The following IFT140 variants were observed in gnomAD, a reference collection of about 807,000 sequenced individuals.
IFT140 encodes the protein intraflagellar transport 140.
Under a neutral mutation model 164.6 loss-of-function variants are expected in IFT140, and 133 were observed. The ratio of observed to expected loss-of-function variants is 0.81; its 90% CI spans 0.70 to 0.93. IFT140 has a LOEUF of 0.93. Ranked by LOEUF, IFT140 falls within the 40% of genes least tolerant of loss-of-function variation. The probability of loss-of-function intolerance (pLI) is 0.00; values close to 1 mark genes in which losing one functional copy is unlikely to be tolerated. For synonymous variants in IFT140, 860 were observed against 817.3 expected, an observed-to-expected ratio of 1.05 and a Z score of -0.89; for missense variants, 2,045 against 1,972.3, an observed-to-expected ratio of 1.04 and a Z score of -0.70.
At chr16:1,537,592 T>C (rs570617935) in intron 19 of IFT140, among the ~76,000 whole-genome samples, 85 of 152,314 alleles carry the variant, frequency 5.6e-4, no homozygotes, top group African/African-American at 1.9e-3. Flanking sequence ...AGGGGTGCTC[T>C]TTCCCTGTGA....
At chr16:1,545,505 T>C (rs2032094882) in intron 19 of IFT140, among the ~76,000 whole-genome samples, 1 of 151,972 alleles carries the variant, frequency 6.6e-6, no homozygotes, top group Non-Finnish European at 1.5e-5. Context: ...TTGCTAATTT[T>C]AGAGTCGGGT....
Position 1,524,418 on chromosome 16 carries a change from G to A in IFT140, c.3141+134C>T, listed in dbSNP as rs576401507. The A allele has an allele frequency of 1.6e-4, 196 of 1,203,262 alleles. 2 individuals carry two copies. The South Asian group carries it at 2.5e-3, about 16-fold the overall frequency. The allele number at this position is 1,203,262 out of a possible 1,614,324, so 74.5% of individuals were successfully genotyped here. A position where few individuals can be genotyped will look rare whatever the true frequency, so the allele number is the denominator to read the frequency against. Reference sequence around the variant, plus strand: ...AGAGGGGTGGGCGGGTGAGGCAGACGGGGTGAGCAGTGAGTGGCAGACACT... The same window carrying A: ...AGAGGGGTGGGCGGGTGAGGCAGACAGGGTGAGCAGTGAGTGGCAGACACT... On this transcript the variant is annotated intron_variant, in intron 24 of 30. Coordinates refer to ENST00000426508, the MANE Select transcript of IFT140 (RefSeq NM_014714.4).
intron 9 of IFT140, 99 bp downstream of exon 9, chr16:1,587,099 G>A (rs1419955211): frequency 3.8e-6 from 3 of 783,258 alleles, no homozygotes; most frequent in Non-Finnish European, 6.7e-6. Flanking sequence ...AGTTACCATT[G>A]TGTGAGTAGC....
At position 1,584,237 on chromosome 16, in the gene IFT140, T is replaced by C. The variant is rs1030260747; in HGVS notation, c.1339A>G (p.Ser447Gly). ...AHSLRTDMHI[S>G]GVFATKDAVA... is the part of the protein sequence containing the mutation. ...GTCACCTTGGTGGCAAACACTCCAC[T>C]GATGTGCATGTCGGTGCGCAGGCTG... is the stretch of plus-strand genomic sequence containing the variant. Residue 447 changes from serine to glycine, a missense_variant, in exon 11 of 31, where the codon AGT becomes GGT. By Grantham distance (56) the Ser-to-Gly change is moderately conservative (BLOSUM62 0). Coordinates refer to ENST00000426508, the MANE Select transcript of IFT140 (RefSeq NM_014714.4). The C allele has an allele frequency of 2.5e-6, 4 of 1,613,660 alleles. No individual in the cohort carries two copies. In the South Asian group the frequency reaches 3.3e-5, roughly 13 times the overall value.
At chr16:1,588,225 C>A (rs573433717) in intron 7 of IFT140, among the ~76,000 whole-genome samples, 1 of 152,108 alleles carries the variant, frequency 6.6e-6, no homozygotes, top group Non-Finnish European at 1.5e-5. Context: ...TACTCTTGTA[C>A]ATTAAATAAT....
intron 18 of IFT140, among the ~76,000 whole-genome samples, chr16:1,559,310 C>A (rs1040425005): frequency 6.6e-6 from 1 of 152,170 alleles, no homozygotes; most frequent in African/African-American, 2.4e-5. Flanking sequence ...AGAATGGGTA[C>A]CCAGTTCGCT....
At chr16:1,584,107 G>T in intron 11 of IFT140, 110 bp downstream of exon 11, 1 of 786,868 alleles carries the variant, frequency 1.3e-6, no homozygotes, top group South Asian at 1.7e-5. Flanking sequence ...ATCTAGGATG[G>T]AACTGAGAGT....
chr16:1,553,361 C>T lies in IFT140; in HGVS notation c.2399+4574G>A. The stretch of plus-strand genomic sequence containing the variant: ...CTTTTTCTCCCATCCTCTCTCGATG[C>T]TGGGGCCACACAGGGCAGGGCATGA... On this transcript the variant is annotated intron_variant, in intron 19 of 30. Transcript: ENST00000426508. The surrounding 1 kb of genome is among the most constrained non-coding windows in gnomAD (Gnocchi z 4.4). The T allele has an allele frequency of 1.0e-6, 1 of 985,384 alleles. No homozygotes were observed. Among genetic ancestry groups the T allele is most frequent in the Non-Finnish European group, 1.2e-6 (1 of 829,940 alleles). 61.0% of individuals were successfully genotyped at this position (985,384 alleles called of 1,614,324 possible).
In IFT140 at chr16:1,511,076, G is replaced by A. The variant is rs535810761; in HGVS notation, c.4257C>T (p.Ala1419=). The change falls in exon 31 of 31, where the codon GCC becomes GCT. Residue 1419 remains alanine (A), a synonymous_variant. Transcript: ENST00000426508. Reference sequence around the variant, plus strand: ...CCAGCCCCCGGTGCACGGCGTCCACGGCCTGCGGGCTCACGTAGTAGGACA... The same window carrying A: ...CCAGCCCCCGGTGCACGGCGTCCACAGCCTGCGGGCTCACGTAGTAGGACA... The part of the protein sequence containing the change: ...ANMSYYVSPQ[A]VDAVHRGLGL... 10 of 1,609,686 alleles carry A rather than the reference G, an allele frequency of 6.2e-6. No individual in the cohort carries two copies. The East Asian group carries it at 6.7e-5, about 11-fold the overall frequency.
intron 3 of IFT140, 129 bp from the exon 4 acceptor site, chr16:1,602,720 T>C: frequency 1.2e-6 from 1 of 805,970 alleles, no homozygotes; most frequent in Non-Finnish European, 2.0e-6. Context: ...GGTGGGTGGA[T>C]CACAAAGTCA....
rs756711276 is a variant in IFT140 at position 1,511,066 on chromosome 16, C to T, written c.4267G>A (p.Val1423Met). ...AGTGGGAGACCCAGCCCCCGGTGCA[C>T]GGCGTCCACGGCCTGCGGGCTCACG... ...YYVSPQAVDAVHRGLGLPLPR... is the reference protein window; with the variant it reads ...YYVSPQAVDAMHRGLGLPLPR... The change falls in exon 31 of 31, where the codon GTG (valine) becomes ATG (methionine). Residue 1423 changes from valine (V) to methionine (M), a missense_variant. Physicochemically the swap from Val to Met is conservative, Grantham distance 21. Transcript: ENST00000426508. The T allele has an allele frequency of 2.2e-5, 35 of 1,607,588 alleles. No individual in the cohort carries two copies. The highest frequency in any genetic ancestry group is 1.7e-4 in the Middle Eastern group (1 of 6,052).
chr16:1,532,249 C>G (rs946249296), intron 19 of IFT140: 2 of 152,292 alleles, frequency 1.3e-5, no homozygotes, highest in African/African-American at 4.8e-5. Flanking sequence ...GAAACAGCAG[C>G]TTTTCCCTGG....
At chr16:1,608,527 G>C (rs776961219) in intron 2 of IFT140, among the ~76,000 whole-genome samples, 1 of 151,560 alleles carries the variant, frequency 6.6e-6, no homozygotes, top group Non-Finnish European at 1.5e-5. Context: ...CAGCTACTCC[G>C]GAGCCTAAGA....
rs560685589 is a variant in IFT140, at chr16:1,551,019, G to A, written c.2399+6916C>T. On this transcript the variant is annotated intron_variant, in intron 19 of 30. Transcript: ENST00000426508. The surrounding 1 kb of genome is among the most constrained non-coding windows in gnomAD (Gnocchi z 4.0). ...GCGGCATCTACGTGATCTGGCCAAA[G>A]GGCTCTGTCCCTTTGAGGGGTCCTG... Among the ~76,000 whole-genome samples the A allele has an allele frequency of 4.6e-5, 7 of 152,344 alleles. No homozygotes were observed. In the South Asian group the frequency reaches 1.5e-3, roughly 32 times the overall value.
chr16:1,593,529 A>G (rs1596442215), intron 4 of IFT140, among the ~76,000 whole-genome samples: 1 of 151,746 alleles, frequency 6.6e-6, no homozygotes, highest in Non-Finnish European at 1.5e-5. Flanking sequence ...CCAGGCTGGG[A>G]CCCCACGTGA....
intron 19 of IFT140, chr16:1,534,231 TG>T: frequency 6.2e-7 from 1 of 1,601,192 alleles, no homozygotes; most frequent in Non-Finnish European, 8.5e-7. Context: ...GGCCGCGGAC[TG>T]GGACTTGGCT....
chr16:1,535,032 C>A (rs985074829), intron 19 of IFT140, among the ~76,000 whole-genome samples: 1 of 152,012 alleles, frequency 6.6e-6, no homozygotes, highest in Non-Finnish European at 1.5e-5. Flanking sequence ...TAGCGAGAGA[C>A]CCTGTCTCTG....
At chr16:1,570,161 A>G (rs2033944947) in intron 14 of IFT140, among the ~76,000 whole-genome samples, 1 of 152,186 alleles carries the variant, frequency 6.6e-6, no homozygotes, top group Non-Finnish European at 1.5e-5. Flanking sequence ...CATCTCTCCA[A>G]GGATCCATAG....
chr16:1,600,420 C>T (rs1223155145), intron 4 of IFT140, among the ~76,000 whole-genome samples: 2 of 141,566 alleles, frequency 1.4e-5, no homozygotes, highest in African/African-American at 2.7e-5. Context: ...CCAAATCCCC[C>T]TCTGTGAGAA....
Sources: allele counts gnomAD v4.1 joint callset (sites outside exome capture counted in the v4.1 genomes callset), GRCh38; gene constraint gnomAD v4.1.1; non-coding constraint Gnocchi (gnomAD v3.1); transcripts MANE v1.5; gene names NCBI Gene and HGNC (gene_info 2026-07-23, HGNC 2026-07-21).